The following BMP2K variants were observed in gnomAD, a reference collection of about 807,000 sequenced individuals.
BMP2K encodes BMP2 inducible kinase.
BMP2K carries 74 observed loss-of-function variants against 116.0 expected under a neutral mutation model. That is an observed-to-expected ratio of 0.64 (90% CI 0.53 to 0.77). BMP2K has a LOEUF of 0.77. BMP2K is among the 30% of genes least tolerant of loss of function. The pLI is 0.00. For synonymous variants in BMP2K, 486 were observed against 502.5 expected (o/e 0.97, Z 0.44); for missense variants, 1,365 against 1,403.6 (o/e 0.97, Z 0.44).
chr4:78,805,824 AGCCGGGCACGGTG>A (rs1227750129), intron 1 of BMP2K, among the ~76,000 whole-genome samples: 1 of 152,028 alleles, frequency 6.6e-6, no homozygotes, highest in East Asian at 1.9e-4. Flanking sequence ...ACAAAAAATT[AGCCGGGCACGGTG>A]GCGGGCGTTT....
chr4:78,870,696 A>G, intron 10 of BMP2K, 87 bp from the exon 11 acceptor site: 1 of 1,491,098 alleles, frequency 6.7e-7, no homozygotes. Context: ...GCCTTAGTTA[A>G]ATTATTATTG....
At chr4:78,853,794 T>C (rs28453051) in intron 7 of BMP2K, among the ~76,000 whole-genome samples, 117 of 152,286 alleles carry the variant, frequency 7.7e-4, no homozygotes, top group African/African-American at 2.6e-3. Context: ...ATTGTGAGAA[T>C]TAAATGAAAG....
At chr4:78,816,839 G>A (rs527872485) in intron 1 of BMP2K, among the ~76,000 whole-genome samples, 46 of 152,166 alleles carry the variant, frequency 3.0e-4, no homozygotes, top group Non-Finnish European at 5.9e-4. Flanking sequence ...ATTTACTATT[G>A]TATGAAGCCC....
At chr4:78,788,833 C>A (rs374414136) in intron 1 of BMP2K, among the ~76,000 whole-genome samples, 1 of 148,636 alleles carries the variant, frequency 6.7e-6, no homozygotes, top group Non-Finnish European at 1.5e-5. Flanking sequence ...AAATTTCTAG[C>A]TTGAGAAACC....
intron 15 of BMP2K, among the ~76,000 whole-genome samples, chr4:78,897,248 C>A (rs1454721115): frequency 6.6e-6 from 1 of 151,670 alleles, no homozygotes; most frequent in Admixed American, 6.6e-5. Context: ...AACATAACAT[C>A]TTGGGGAAAA....
chr4:78,834,048 T>C lies in BMP2K; in HGVS notation c.403+361T>C, dbSNP rs1577910322. On this transcript the variant is annotated intron_variant, in intron 3 of 15. Transcript: ENST00000502613. ...AAGATTTTTCCAGAACTCTACTACG[T>C]TATTGTAAACATTAAATTTAACAAA... is the stretch of plus-strand genomic sequence containing the variant. 2.0e-5 allele frequency among the ~76,000 whole-genome samples: 3 copies of C among 152,274 alleles called. No individual in the cohort carries two copies. In the East Asian group the frequency reaches 5.8e-4, roughly 29 times the overall value.
At chr4:78,900,494 G>A (rs779984377) in intron 15 of BMP2K, among the ~76,000 whole-genome samples, 28 of 152,150 alleles carry the variant, frequency 1.8e-4, no homozygotes, top group Admixed American at 6.6e-5. Context: ...AAAAATGAGA[G>A]TCTAACAAGA....
chr4:78,828,466 T>G (rs911255057), intron 2 of BMP2K, among the ~76,000 whole-genome samples: 1 of 152,152 alleles, frequency 6.6e-6, no homozygotes, highest in Admixed American at 6.5e-5. Flanking sequence ...GAGGTCAGCA[T>G]TCCTTCCCCC....
intron 15 of BMP2K, among the ~76,000 whole-genome samples, chr4:78,905,011 T>C (rs1226770437): frequency 2.6e-5 from 4 of 151,944 alleles, no homozygotes; most frequent in South Asian, 2.1e-4. Flanking sequence ...TATATTTTTG[T>C]ATAAATATGT....
At chr4:78,802,985 G>A (rs1417093359) in intron 1 of BMP2K, among the ~76,000 whole-genome samples, 14 of 152,182 alleles carry the variant, frequency 9.2e-5, no homozygotes, top group Middle Eastern at 3.4e-3. Flanking sequence ...AAGTTGCTGG[G>A]ATTACAGGCG....
intron 7 of BMP2K, among the ~76,000 whole-genome samples, chr4:78,855,509 T>C (rs931896648): frequency 2.0e-5 from 3 of 152,208 alleles, no homozygotes; most frequent in African/African-American, 7.2e-5. Context: ...TTTGTGTAAC[T>C]TGAATGGTAA....
intron 2 of BMP2K, among the ~76,000 whole-genome samples, chr4:78,829,783 T>TTTTC (rs1553915834): frequency 9.0e-6 from 1 of 110,760 alleles, no homozygotes; most frequent in Non-Finnish European, 1.8e-5. Context: ...TTCTTTTCTT[T>TTTTC]TCTTTTCTCT....
At chr4:78,852,850 C>T (rs1183290638) in intron 7 of BMP2K, among the ~76,000 whole-genome samples, 2 of 152,150 alleles carry the variant, frequency 1.3e-5, no homozygotes, top group Non-Finnish European at 2.9e-5. Flanking sequence ...GCAGTCCTGC[C>T]ACCACAGTCT....
chr4:78,823,464 GCTCT>G (rs1036242944), intron 1 of BMP2K, among the ~76,000 whole-genome samples: 1 of 147,832 alleles, frequency 6.8e-6, no homozygotes, highest in Non-Finnish European at 1.5e-5. Flanking sequence ...GATTTTTAGT[GCTCT>G]CTCTCTCATA....
intron 15 of BMP2K, among the ~76,000 whole-genome samples, chr4:78,901,197 C>T (rs1733983994): frequency 6.6e-6 from 1 of 151,930 alleles, no homozygotes; most frequent in African/African-American, 2.4e-5. Context: ...GTGTGCACCA[C>T]CATTCTCAGC....
chr4:78,805,375 T>G (rs1304710328), intron 1 of BMP2K, among the ~76,000 whole-genome samples: 3 of 152,068 alleles, frequency 2.0e-5, no homozygotes, highest in Non-Finnish European at 4.4e-5. Context: ...TTTTTCAGGT[T>G]GTTTTGGCTG....
intron 1 of BMP2K, among the ~76,000 whole-genome samples, chr4:78,815,721 T>C (rs1372963970): frequency 2.0e-5 from 3 of 152,116 alleles, no homozygotes; most frequent in African/African-American, 2.4e-5. Context: ...TTTTACAACA[T>C]GTGGGTAATT....
At chr4:78,823,355 G>C (rs1729711635) in intron 1 of BMP2K, among the ~76,000 whole-genome samples, 2 of 151,908 alleles carry the variant, frequency 1.3e-5, no homozygotes, top group Middle Eastern at 3.4e-3. Flanking sequence ...TACATAACTT[G>C]GTTGTGCATC....
intron 13 of BMP2K, among the ~76,000 whole-genome samples, chr4:78,874,996 T>C (rs1218945491): frequency 6.6e-6 from 1 of 152,200 alleles, no homozygotes; most frequent in Non-Finnish European, 1.5e-5. Context: ...GCATAAGACT[T>C]GTTTTACTCC....
Sources: allele counts gnomAD v4.1 joint callset (sites outside exome capture counted in the v4.1 genomes callset), GRCh38; gene constraint gnomAD v4.1.1; transcripts MANE v1.5; gene names NCBI Gene and HGNC (gene_info 2026-07-23, HGNC 2026-07-21).